The following CPNE4 variants were observed in gnomAD, a reference collection of about 807,000 sequenced individuals.
The protein encoded by CPNE4 is copine 4, also known as copine-4.
A neutral mutation model predicts 67.9 loss-of-function variants in CPNE4; 25 were observed. The ratio of observed to expected loss-of-function variants is 0.37; its 90% confidence interval spans 0.27 to 0.51. The LOEUF is 0.51. CPNE4 is among the 20% of genes least tolerant of loss of function. The pLI, the probability that CPNE4 is intolerant of heterozygous loss-of-function variation, is 0.93. For missense variants in CPNE4, 464 were observed against 690.8 expected, an observed-to-expected ratio of 0.67 and a Z score of 3.68; for synonymous variants, 242 against 244.9, an observed-to-expected ratio of 0.99 and a Z score of 0.11.
intron 1 of CPNE4, among the ~76,000 whole-genome samples, chr3:131,971,131 A>T (rs576429215): frequency 6.6e-6 from 1 of 152,308 alleles, no homozygotes; most frequent in East Asian, 1.9e-4. Flanking sequence ...CGCCGTGGGG[A>T]CAACATCTAG....
intron 1 of CPNE4, among the ~76,000 whole-genome samples, chr3:131,941,639 G>A (rs749879345): frequency 3.9e-5 from 6 of 152,034 alleles, no homozygotes; most frequent in Non-Finnish European, 7.4e-5. Context: ...ATTATAAAGT[G>A]ATTCAATAAA....
At chr3:131,901,167 C>A (rs1197434923) in intron 2 of CPNE4, among the ~76,000 whole-genome samples, 2 of 152,038 alleles carry the variant, frequency 1.3e-5, no homozygotes, top group East Asian at 3.9e-4. Context: ...GTCTTTAGTT[C>A]ATAAGAGTCC....
chr3:131,921,162 G>A (rs572218713), intron 1 of CPNE4, among the ~76,000 whole-genome samples: 2 of 152,292 alleles, frequency 1.3e-5, no homozygotes, highest in South Asian at 2.1e-4. Flanking sequence ...AAGAAATGAT[G>A]TCACTTCTGG....
chr3:131,682,080 G>C (rs1281979938), intron 6 of CPNE4, among the ~76,000 whole-genome samples: 1 of 151,936 alleles, frequency 6.6e-6, no homozygotes, highest in South Asian at 2.1e-4. Flanking sequence ...TAGCTATTTT[G>C]AATCCTCTAT....
intron 8 of CPNE4, among the ~76,000 whole-genome samples, chr3:131,586,834 C>G (rs1396745089): frequency 6.6e-6 from 1 of 151,922 alleles, no homozygotes; most frequent in Non-Finnish European, 1.5e-5. Flanking sequence ...GTTTGGGTTT[C>G]TGTGTGGGAC....
At chr3:131,668,302 G>A (rs2080314073) in intron 7 of CPNE4, among the ~76,000 whole-genome samples, 1 of 152,192 alleles carries the variant, frequency 6.6e-6, no homozygotes, top group Admixed American at 6.5e-5. Flanking sequence ...CTGTCAGAAG[G>A]TTTGTGGGGC....
chr3:131,890,649 G>A (rs75426873), intron 2 of CPNE4, among the ~76,000 whole-genome samples: 3,712 of 152,134 alleles, frequency 0.024, 145 homozygotes, highest in African/African-American at 0.084. Flanking sequence ...GTATTCTCAT[G>A]TTCATTGCAA....
At chr3:131,715,389 T>A (rs2081657657) in intron 3 of CPNE4, among the ~76,000 whole-genome samples, 2 of 152,246 alleles carry the variant, frequency 1.3e-5, no homozygotes, top group Non-Finnish European at 2.9e-5. Context: ...CAACTCCAAT[T>A]TGACTTTGCA....
chr3:131,620,065 T>C (rs1314845772), intron 7 of CPNE4, among the ~76,000 whole-genome samples: 1 of 152,186 alleles, frequency 6.6e-6, no homozygotes, highest in Non-Finnish European at 1.5e-5. Context: ...GTGGCCATTC[T>C]GCCAGGCTCT....
intron 3 of CPNE4, among the ~76,000 whole-genome samples, chr3:131,702,818 A>G (rs2081334111): frequency 6.6e-6 from 1 of 152,250 alleles, no homozygotes; most frequent in Non-Finnish European, 1.5e-5. Flanking sequence ...CAGGGAATGA[A>G]GAAAATGCTA....
chr3:131,849,646 T>A (rs1423226200), intron 2 of CPNE4, among the ~76,000 whole-genome samples: 1 of 152,114 alleles, frequency 6.6e-6, no homozygotes, highest in Non-Finnish European at 1.5e-5. Context: ...GGTATGTCAA[T>A]TCTGAGCCCA....
chr3:131,542,837 G>A (rs1935583964), intron 14 of CPNE4, 44 bp from the exon 15 acceptor site: 1 of 1,393,890 alleles, frequency 7.2e-7, no homozygotes, highest in Non-Finnish European at 1.0e-6. Context: ...GTGAAGAGGT[G>A]AGGGAGACAA....
chr3:131,986,187 G>A (rs1026892197), intron 1 of CPNE4, among the ~76,000 whole-genome samples: 1 of 152,112 alleles, frequency 6.6e-6, no homozygotes, highest in Admixed American at 6.5e-5. Context: ...TACCTATAGG[G>A]GGTGTGTAAT....
At chr3:131,958,495 G>T (rs750713981) in intron 1 of CPNE4, among the ~76,000 whole-genome samples, 19 of 152,046 alleles carry the variant, frequency 1.2e-4, no homozygotes, top group Middle Eastern at 3.4e-3. Context: ...GTTGATGTTT[G>T]AGAAACACTG....
chr3:131,893,526 T>C (rs1050724772), intron 2 of CPNE4, among the ~76,000 whole-genome samples: 1 of 152,034 alleles, frequency 6.6e-6, no homozygotes, highest in Admixed American at 6.6e-5. Context: ...GAATACACTT[T>C]ATTCTCAAAT....
intron 11 of CPNE4, among the ~76,000 whole-genome samples, chr3:131,563,990 C>T (rs1043405543): frequency 1.1e-4 from 17 of 152,024 alleles, no homozygotes; most frequent in African/African-American, 2.7e-4. Context: ...GCTATCCAAT[C>T]GTCTTGCAAG....
At chr3:131,983,463 A>T (rs975387593) in intron 1 of CPNE4, among the ~76,000 whole-genome samples, 7 of 152,330 alleles carry the variant, frequency 4.6e-5, no homozygotes, top group East Asian at 1.9e-4. Context: ...TAATACAAAA[A>T]GATCTCTTTA....
intron 2 of CPNE4, among the ~76,000 whole-genome samples, chr3:131,751,280 A>T (rs2082617208): frequency 6.6e-6 from 1 of 152,052 alleles, no homozygotes; most frequent in Non-Finnish European, 1.5e-5. Flanking sequence ...CTATGACAAC[A>T]CGAATATTCC....
At chr3:131,727,116 T>G (rs1265214639) in intron 2 of CPNE4, among the ~76,000 whole-genome samples, 1 of 152,222 alleles carries the variant, frequency 6.6e-6, no homozygotes, top group African/African-American at 2.4e-5. Context: ...AACTCAAGGT[T>G]AAATATCAGC....
Sources: allele counts gnomAD v4.1 joint callset (sites outside exome capture counted in the v4.1 genomes callset), GRCh38; gene constraint gnomAD v4.1.1; transcripts MANE v1.5; gene names NCBI Gene and HGNC (gene_info 2026-07-23, HGNC 2026-07-21).